Variants in GRIK2 observed in about 807,000 individuals in gnomAD.
GRIK2 encodes glutamate ionotropic receptor kainate type subunit 2.
A neutral mutation model predicts 100.3 loss-of-function variants in GRIK2; 32 were observed. That is an observed-to-expected ratio of 0.32 (90% confidence interval 0.24 to 0.43). The LOEUF (loss-of-function observed/expected upper bound fraction) is 0.43. Among genes scored for constraint, GRIK2 ranks in the 20% least tolerant of loss-of-function variants. The pLI is 1.00. For missense variants in GRIK2, 843 were observed against 1,114.9 expected, an observed-to-expected ratio of 0.76 and a Z score of 3.47; for synonymous variants, 417 against 389.4, an observed-to-expected ratio of 1.07 and a Z score of -0.83.
chr6:101,767,005 A>G (rs771043952), intron 7 of GRIK2, among the ~76,000 whole-genome samples: 4 of 152,148 alleles, frequency 2.6e-5, no homozygotes, highest in Non-Finnish European at 5.9e-5. Flanking sequence ...TAACCTAGCA[A>G]TCTTGGTGCC....
chr6:101,680,367 A>G (rs1354332337), intron 5 of GRIK2, among the ~76,000 whole-genome samples: 3 of 152,190 alleles, frequency 2.0e-5, no homozygotes, highest in African/African-American at 7.2e-5. Flanking sequence ...TACAACTTTG[A>G]GAATATGAAA....
At chr6:102,020,545 G>A (rs1224698713) in intron 14 of GRIK2, among the ~76,000 whole-genome samples, 1 of 151,814 alleles carries the variant, frequency 6.6e-6, no homozygotes, top group Non-Finnish European at 1.5e-5. Context: ...GATGAAGAAT[G>A]AGGAACCCAG....
chr6:102,041,749 G>T (rs1770588821), intron 15 of GRIK2, among the ~76,000 whole-genome samples: 1 of 151,120 alleles, frequency 6.6e-6, no homozygotes, highest in Non-Finnish European at 1.5e-5. Context: ...GTAGCATAAA[G>T]AATTTTAAAG....
chr6:102,060,237 A>G (rs932680385), intron 16 of GRIK2, among the ~76,000 whole-genome samples: 1 of 150,780 alleles, frequency 6.6e-6, no homozygotes, highest in African/African-American at 2.4e-5. Flanking sequence ...TTTCTGGTGC[A>G]CTGATAGTTC....
chr6:101,799,640 C>A lies in GRIK2; in HGVS notation c.952-8C>A, dbSNP rs1489085336. 1 of 1,611,240 alleles carries A rather than the reference C, an allele frequency of 6.2e-7. No homozygotes were observed. The highest frequency in any genetic ancestry group is 1.3e-5 in the African/African-American group (1 of 74,954). ...TGACTATAAATTTCCCTTTCCCTTGCTTTTCAGACTGATGCTGCTCTAATG... is the reference window on the plus strand; with the variant it reads ...TGACTATAAATTTCCCTTTCCCTTGATTTTCAGACTGATGCTGCTCTAATG... On this transcript the variant is annotated splice_region_variant and splice_polypyrimidine_tract_variant and intron_variant, in intron 7 of 16. Coordinates refer to ENST00000369134, the MANE Select transcript of GRIK2 (RefSeq NM_021956.5).
intron 2 of GRIK2, among the ~76,000 whole-genome samples, chr6:101,520,716 A>G (rs1774839763): frequency 1.3e-5 from 2 of 152,128 alleles, no homozygotes; most frequent in African/African-American, 4.8e-5. Context: ...ACAAAAGCCA[A>G]GTGATGACAT....
intron 2 of GRIK2, among the ~76,000 whole-genome samples, chr6:101,524,028 T>A (rs1775022073): frequency 6.6e-6 from 1 of 152,200 alleles, no homozygotes; most frequent in African/African-American, 2.4e-5. Context: ...AGCTGATTCC[T>A]AGGTCTTTTT....
intron 7 of GRIK2, among the ~76,000 whole-genome samples, chr6:101,690,290 CAAT>C (rs1480162492): frequency 2.6e-5 from 4 of 151,898 alleles, no homozygotes; most frequent in Admixed American, 6.6e-5. Context: ...TTACACAAAT[CAAT>C]AATAATCATA....
intron 2 of GRIK2, among the ~76,000 whole-genome samples, chr6:101,553,928 GAACT>G (rs1419118472): frequency 3.3e-5 from 5 of 152,266 alleles, no homozygotes; most frequent in African/African-American, 1.2e-4. Context: ...CCTTCCAGAG[GAACT>G]ATCTACTGAC....
At chr6:101,682,775 G>A (rs1238624804) in intron 6 of GRIK2, among the ~76,000 whole-genome samples, 169 bp downstream of exon 6, 1 of 151,792 alleles carries the variant, frequency 6.6e-6, no homozygotes, top group Admixed American at 6.6e-5. Flanking sequence ...CTTAATAGAA[G>A]CTGATGATTT....
intron 2 of GRIK2, among the ~76,000 whole-genome samples, chr6:101,605,729 A>G (rs143451576): frequency 3.5e-4 from 54 of 152,134 alleles, no homozygotes; most frequent in African/African-American, 1.3e-3. Context: ...CCTTTTATGT[A>G]GATATTTAGA....
intron 2 of GRIK2, among the ~76,000 whole-genome samples, chr6:101,582,098 C>G (rs984421627): frequency 1.3e-5 from 2 of 151,404 alleles, no homozygotes; most frequent in East Asian, 3.9e-4. Context: ...ACTTTCAGTT[C>G]TGGGATACAT....
intron 11 of GRIK2, among the ~76,000 whole-genome samples, chr6:101,864,143 CA>C (rs138911944): frequency 0.12 from 10,021 of 85,740 alleles, 261 homozygotes; most frequent in Non-Finnish European, 0.13. Context: ...GACTCCGTCT[CA>C]AAAAAAAAAA....
At chr6:101,823,307 T>C (rs1782079674) in intron 10 of GRIK2, among the ~76,000 whole-genome samples, 1 of 152,208 alleles carries the variant, frequency 6.6e-6, no homozygotes, top group Non-Finnish European at 1.5e-5. Context: ...AGTACATAGT[T>C]GTATTATGCA....
chr6:101,753,621 A>G (rs1393329805), intron 7 of GRIK2, among the ~76,000 whole-genome samples: 2 of 152,142 alleles, frequency 1.3e-5, no homozygotes, highest in African/African-American at 4.8e-5. Context: ...TTTGAACATC[A>G]ATAATTACTA....
At position 101,802,414 on chromosome 6, in the gene GRIK2, T is replaced by C; in HGVS notation, c.1179T>C (p.Ser393=). 1.9e-6 allele frequency: 3 copies of C among 1,561,328 alleles called. No homozygotes were observed. Among genetic ancestry groups the C allele is most frequent in the Middle Eastern group, 1.7e-4 (1 of 5,882 alleles). The change falls in exon 9 of 17, where the codon AGT becomes AGC. Residue 393 remains serine (S), a synonymous_variant. Transcript: ENST00000369134. ...CAGATTTTGATTTGGATGTGATCAG[T>C]CTGAAGGAAGAAGGTCTAGAAAAGG... The part of the protein sequence containing the change: ...LRTDFDLDVI[S]LKEEGLEKIG...
chr6:101,786,448 G>A (rs1430220842), intron 7 of GRIK2, among the ~76,000 whole-genome samples: 1 of 151,982 alleles, frequency 6.6e-6, no homozygotes, highest in African/African-American at 2.4e-5. Flanking sequence ...TATATGGCCT[G>A]TGTTATACTG....
intron 14 of GRIK2, among the ~76,000 whole-genome samples, chr6:101,975,801 A>ACCTATCTG (rs1554185782): frequency 3.0e-5 from 3 of 101,046 alleles, no homozygotes; most frequent in African/African-American, 1.1e-4. Context: ...CTGTCTATCT[A>ACCTATCTG]TCTATCTGTC....
intron 10 of GRIK2, among the ~76,000 whole-genome samples, chr6:101,852,628 G>A (rs1784203917): frequency 6.6e-6 from 1 of 152,098 alleles, no homozygotes; most frequent in Non-Finnish European, 1.5e-5. Flanking sequence ...TAGTTCAGAA[G>A]GCTTACATAT....
Sources: gnomAD v4.1 joint callset for allele counts (sites outside exome capture counted in the v4.1 genomes callset) on GRCh38, gnomAD v4.1.1 for gene constraint, MANE v1.5 for transcripts, NCBI Gene and HGNC (gene_info 2026-07-23, HGNC 2026-07-21) for gene names.